Variants in HECW2 observed in about 807,000 individuals in gnomAD.
HECW2 encodes HECT, C2 and WW domain containing E3 ubiquitin protein ligase 2, also known as E3 ubiquitin-protein ligase HECW2.
Under a neutral mutation model 175.2 loss-of-function variants are expected in HECW2, and 61 were observed. The observed-to-expected ratio is 0.35, with a 90% CI of 0.28 to 0.43. HECW2 has a LOEUF of 0.43. Ranked by LOEUF, HECW2 falls within the 20% of genes least tolerant of loss-of-function variation. The probability of loss-of-function intolerance (pLI) is 1.00; values close to 1 mark genes in which losing one functional copy is unlikely to be tolerated. For synonymous variants in HECW2, 671 were observed against 731.0 expected (o/e 0.92, Z 1.32); for missense variants, 1,524 against 2,000.5 (o/e 0.76, Z 4.54).
intron 5 of HECW2, among the ~76,000 whole-genome samples, chr2:196,329,312 TAC>T (rs1348758096): frequency 6.6e-6 from 1 of 152,192 alleles, no homozygotes; most frequent in African/African-American, 2.4e-5. Context: ...CACATTACGT[TAC>T]AGTTTTTCTT....
chr2:196,331,259 T>C, intron 4 of HECW2: 16 of 984,930 alleles, frequency 1.6e-5, no homozygotes, highest in Non-Finnish European at 1.9e-5. Context: ...TGTGGTTTAT[T>C]ATATTGTATT....
intron 2 of HECW2, among the ~76,000 whole-genome samples, chr2:196,388,265 G>A (rs545483146): frequency 1.3e-5 from 2 of 152,290 alleles, no homozygotes; most frequent in African/African-American, 2.4e-5. Flanking sequence ...CTGTACTCCA[G>A]TATGGATGAT....
chr2:196,257,090 C>T (rs957483506), intron 18 of HECW2, among the ~76,000 whole-genome samples: 11 of 152,218 alleles, frequency 7.2e-5, no homozygotes, highest in Non-Finnish European at 7.3e-5. Flanking sequence ...TATGCTGTTC[C>T]TTTTAATTCT....
intron 28 of HECW2, among the ~76,000 whole-genome samples, chr2:196,207,143 G>A (rs1419579199): frequency 6.6e-6 from 1 of 152,228 alleles, no homozygotes; most frequent in Non-Finnish European, 1.5e-5. Context: ...GAAGCCAGGA[G>A]TGTTCTTGCA....
Position 196,333,839 on chromosome 2 carries a change from G to A in HECW2, c.495+585C>T, listed in dbSNP as rs111538937. ...TAGGTATCTGTTTCTTCAACTGAAG[G>A]CCTGACTTCTGAAGTCAACTTCTGA... is the stretch of plus-strand genomic sequence containing the variant. On this transcript the variant is annotated intron_variant, in intron 4 of 28. Coordinates refer to ENST00000644978, the MANE Select transcript of HECW2 (RefSeq NM_001348768.2). 1.4e-3 allele frequency among the ~76,000 whole-genome samples: 217 copies of A among 152,240 alleles called. 1 individual carries two copies. The highest frequency in any genetic ancestry group is 4.9e-3 in the African/African-American group (202 of 41,546).
At chr2:196,324,457 T>C (rs6738820) in intron 6 of HECW2, among the ~76,000 whole-genome samples, 1,676 of 152,332 alleles carry the variant, frequency 0.011, 30 homozygotes, top group African/African-American at 0.038. Context: ...ACTCCTTGAA[T>C]GGCTCATCTA....
At chr2:196,346,403 G>C (rs945180346) in intron 2 of HECW2, among the ~76,000 whole-genome samples, 2 of 152,172 alleles carry the variant, frequency 1.3e-5, no homozygotes, top group African/African-American at 4.8e-5. Context: ...TCCCTAGAAG[G>C]GAGCTTGGAC....
intron 10 of HECW2, among the ~76,000 whole-genome samples, chr2:196,309,018 TCTC>T (rs1399259181): frequency 6.6e-6 from 1 of 152,222 alleles, no homozygotes; most frequent in African/African-American, 2.4e-5. Context: ...TAAGCATTTT[TCTC>T]CTGACACATT....
intron 13 of HECW2, among the ~76,000 whole-genome samples, chr2:196,298,080 G>A (rs905798646): frequency 3.9e-5 from 6 of 152,080 alleles, no homozygotes; most frequent in Non-Finnish European, 2.9e-5. Flanking sequence ...AAACTTAAAC[G>A]CTAGAATTAA....
intron 3 of HECW2, among the ~76,000 whole-genome samples, chr2:196,337,361 G>T (rs1255893956): frequency 6.6e-6 from 1 of 150,794 alleles, no homozygotes; most frequent in Non-Finnish European, 1.5e-5. Context: ...ATATACAAAG[G>T]CAGGTGGAAG....
intron 1 of HECW2, among the ~76,000 whole-genome samples, chr2:196,446,798 G>A (rs976862767): frequency 3.9e-5 from 6 of 152,160 alleles, no homozygotes; most frequent in African/African-American, 1.2e-4. Context: ...ACCACATTAG[G>A]AAGAAAGGGC....
chr2:196,226,136 T>A (rs1475953815), intron 22 of HECW2, among the ~76,000 whole-genome samples: 1 of 152,150 alleles, frequency 6.6e-6, no homozygotes, highest in Non-Finnish European at 1.5e-5. Flanking sequence ...GTTTGGATCA[T>A]GGAGGCTGAT....
intron 1 of HECW2, among the ~76,000 whole-genome samples, chr2:196,481,536 G>A (rs1375147649): frequency 1.3e-5 from 2 of 152,172 alleles, no homozygotes; most frequent in African/African-American, 2.4e-5. Context: ...CTCATTCTGG[G>A]ATTAACTGAC....
chr2:196,480,969 T>C (rs992679988), intron 1 of HECW2, among the ~76,000 whole-genome samples: 2 of 152,258 alleles, frequency 1.3e-5, no homozygotes, highest in African/African-American at 4.8e-5. Context: ...AGAGAATAGA[T>C]AGTTTAATTG....
rs79185455 is a variant in HECW2 at position 196,319,061 on chromosome 2, A to G, written c.1829T>C (p.Val610Ala). The G allele has an allele frequency of 7.8e-5, 125 of 1,612,404 alleles. No homozygotes were observed. The highest frequency in any genetic ancestry group is 1.0e-4 in the Non-Finnish European group (120 of 1,179,330). Residue 610 changes from valine (V) to alanine (A), a missense_variant, in exon 9 of 29, where the codon GTG becomes GCG. Physicochemically the swap from Val to Ala is moderately conservative, Grantham distance 64. Transcript: ENST00000644978. ...SLDQGSEPSQ[V>A]SSETEPSDPA... The stretch of plus-strand genomic sequence containing the variant: ...ATCACTGGGTTCTGTTTCAGAGGAC[A>G]CCTGGGAAGGCTCAGAGCCCTGATC...
intron 1 of HECW2, among the ~76,000 whole-genome samples, chr2:196,589,934 CTA>C (rs1691124832): frequency 6.6e-6 from 1 of 152,194 alleles, no homozygotes; most frequent in Non-Finnish European, 1.5e-5. Context: ...ATTTTATTCA[CTA>C]TGTGTGTAAA....
intron 2 of HECW2, among the ~76,000 whole-genome samples, chr2:196,372,244 A>G (rs989589824): frequency 3.3e-5 from 5 of 152,250 alleles, no homozygotes; most frequent in African/African-American, 1.2e-4. Flanking sequence ...AGCACAAAGT[A>G]TCAGTAAATT....
At chr2:196,401,928 C>T (rs928138062) in intron 2 of HECW2, among the ~76,000 whole-genome samples, 5 of 151,930 alleles carry the variant, frequency 3.3e-5, no homozygotes, top group African/African-American at 7.3e-5. Flanking sequence ...TTGCCAGGCG[C>T]GGTGGCTCAC....
At chr2:196,403,288 A>G (rs1398868769) in intron 2 of HECW2, among the ~76,000 whole-genome samples, 2 of 152,232 alleles carry the variant, frequency 1.3e-5, no homozygotes, top group South Asian at 2.1e-4. Context: ...GTAATGTACA[A>G]GAAAGTATTT....
Sources: gnomAD v4.1 joint callset for allele counts (sites outside exome capture counted in the v4.1 genomes callset) on GRCh38, gnomAD v4.1.1 for gene constraint, MANE v1.5 for transcripts, NCBI Gene and HGNC (gene_info 2026-07-23, HGNC 2026-07-21) for gene names.